The following SCUBE1 variants were observed in gnomAD, a reference collection of about 807,000 sequenced individuals.
The protein encoded by SCUBE1 is signal peptide, CUB domain and EGF like domain containing 1, also known as signal peptide, CUB and EGF-like domain-containing protein 1.
Under a neutral mutation model 124.4 loss-of-function variants are expected in SCUBE1, and 59 were observed. The observed-to-expected ratio is 0.47, with a 90% CI of 0.38 to 0.59. The LOEUF is 0.59. SCUBE1 is among the 20% of genes least tolerant of loss of function. The pLI is 0.00. For synonymous variants in SCUBE1, 545 were observed against 550.9 expected, an observed-to-expected ratio of 0.99 and a Z score of 0.15; for missense variants, 1,150 against 1,371.2, an observed-to-expected ratio of 0.84 and a Z score of 2.55.
intron 2 of SCUBE1, among the ~76,000 whole-genome samples, chr22:43,332,318 C>G (rs1926928902): frequency 6.6e-6 from 1 of 152,046 alleles, no homozygotes. Flanking sequence ...TAATAGCTCC[C>G]AACACAGCGA....
chr22:43,246,539 G>A (rs1041284701), intron 6 of SCUBE1, among the ~76,000 whole-genome samples: 27 of 152,226 alleles, frequency 1.8e-4, no homozygotes, highest in Non-Finnish European at 1.8e-4. Flanking sequence ...GCTATCACCT[G>A]CCTGCCCCTG....
chr22:43,197,641 G>A lies in SCUBE1; in HGVS notation c.*6356C>T, dbSNP rs547805195. ...TCCTGCTTTCTGCCACCCATCTGCC[G>A]AGGGCACTGGGCACTCTCTTACTTG... On this transcript the variant is annotated 3_prime_UTR_variant, in exon 22 of 22. Transcript: ENST00000360835. 1.3e-5 allele frequency: 2 copies of A among 152,584 alleles called. No homozygotes were observed. Among genetic ancestry groups the A allele is most frequent in the African/African-American group, 2.4e-5 (1 of 41,576 alleles). The allele number at this position is 152,584 out of a possible 1,614,324, so 9.5% of individuals were successfully genotyped here.
chr22:43,221,315 G>A, intron 12 of SCUBE1, 26 bp from the exon 13 acceptor site: 1 of 1,535,526 alleles, frequency 6.5e-7, no homozygotes, highest in African/African-American at 1.4e-5. Flanking sequence ...ATTCCCCCAG[G>A]TGGTGGCCTC....
rs577680670 is a variant in SCUBE1 at position 43,200,747 on chromosome 22, C to T, written c.*3250G>A. ...GGCGACCTCGCGCTCCTCATGGCCT[C>T]TCCCGTGGGCTGGGAGCTATAGAAG... is the stretch of plus-strand genomic sequence containing the variant. On this transcript the variant is annotated 3_prime_UTR_variant, in exon 22 of 22. Coordinates refer to ENST00000360835, the MANE Select transcript of SCUBE1 (RefSeq NM_173050.5). 2.0e-5 allele frequency: 3 copies of T among 152,380 alleles called. No individual in the cohort carries two copies. Among genetic ancestry groups the T allele is most frequent in the African/African-American group, 7.2e-5 (3 of 41,584 alleles). The allele number at this position is 152,380 out of a possible 1,614,324, so 9.4% of individuals were successfully genotyped here. A position where few individuals can be genotyped will look rare whatever the true frequency, so the allele number is the denominator to read the frequency against.
chr22:43,310,590 C>G (rs576137226), intron 3 of SCUBE1, among the ~76,000 whole-genome samples: 2 of 152,334 alleles, frequency 1.3e-5, no homozygotes, highest in East Asian at 3.9e-4. Context: ...GCCCCAGACA[C>G]CGTGGAGCAG....
At position 43,255,206 on chromosome 22, in the gene SCUBE1, C is replaced by T. The variant is rs953084792; in HGVS notation, c.727+3013G>A. On this transcript the variant is annotated intron_variant, in intron 6 of 21. Coordinates refer to ENST00000360835, the MANE Select transcript of SCUBE1 (RefSeq NM_173050.5). The surrounding 1 kb of genome is among the most constrained non-coding windows in gnomAD (Gnocchi z 4.7). ...CTAGCCCTGGGTTCTTTGCTACAAA[C>T]ACACAAACAACGAACAAATGTGTTT... is the stretch of plus-strand genomic sequence containing the variant. Among the ~76,000 whole-genome samples, 2 of 152,222 alleles carry T rather than the reference C, an allele frequency of 1.3e-5. No individual in the cohort carries two copies. The highest frequency in any genetic ancestry group is 4.8e-5 in the African/African-American group (2 of 41,456).
At chr22:43,334,047 G>A (rs1926984244) in intron 2 of SCUBE1, among the ~76,000 whole-genome samples, 1 of 152,210 alleles carries the variant, frequency 6.6e-6, no homozygotes, top group Admixed American at 6.5e-5. Flanking sequence ...GAGATCTGCA[G>A]GACAGGGGGC....
chr22:43,336,363 C>T (rs532396627), intron 2 of SCUBE1, among the ~76,000 whole-genome samples: 9 of 152,292 alleles, frequency 5.9e-5, no homozygotes, highest in Admixed American at 3.3e-4. Flanking sequence ...CCCCACACTC[C>T]GCACTCCCCT....
intron 1 of SCUBE1, among the ~76,000 whole-genome samples, chr22:43,342,440 G>A (rs932856317): frequency 6.6e-6 from 1 of 151,922 alleles, no homozygotes; most frequent in Admixed American, 6.5e-5. Context: ...AGACGGTCCC[G>A]GTCCCTCGTC....
Position 43,255,634 on chromosome 22 carries a change from C to T in SCUBE1, c.727+2585G>A, listed in dbSNP as rs774363641. The T allele has an allele frequency of 3.8e-5, 55 of 1,441,632 alleles. No homozygotes were observed. Among genetic ancestry groups the T allele is most frequent in the Non-Finnish European group, 4.9e-5 (51 of 1,049,588 alleles). 89.3% of individuals were successfully genotyped at this position (1,441,632 alleles called of 1,614,324 possible). Reference sequence around the variant, plus strand: ...CAGTGGTTAATGACAGCCCACTTCCCGCGGCCCAAGACAGTCAGCCTCTCG... The same window carrying T: ...CAGTGGTTAATGACAGCCCACTTCCTGCGGCCCAAGACAGTCAGCCTCTCG... On this transcript the variant is annotated intron_variant, in intron 6 of 21. Coordinates refer to ENST00000360835, the MANE Select transcript of SCUBE1 (RefSeq NM_173050.5). The surrounding 1 kb of genome is among the most constrained non-coding windows in gnomAD (Gnocchi z 4.7).
chr22:43,214,047 G>GGGGGGGGGGGGCC, intron 16 of SCUBE1, 43 bp downstream of exon 16: 1 of 143,440 alleles, frequency 7.0e-6, no homozygotes. Context: ...AGGAGCCCCC[G>GGGGGGGGGGGGCC]CCCACCCCCC....
chr22:43,311,897 G>A (rs1195960673), intron 3 of SCUBE1, among the ~76,000 whole-genome samples: 2 of 152,082 alleles, frequency 1.3e-5, no homozygotes, highest in Non-Finnish European at 2.9e-5. Flanking sequence ...CCCTCAAATG[G>A]TTCTAAGCCT....
intron 3 of SCUBE1, among the ~76,000 whole-genome samples, chr22:43,303,341 T>A (rs1427181326): frequency 6.6e-6 from 1 of 152,250 alleles, no homozygotes. Flanking sequence ...TCCCAGCCGC[T>A]TGGCCTCCTG....
chr22:43,198,187 A>C lies in SCUBE1; in HGVS notation c.*5810T>G. ...TAGAGGGTTGAGCCCAGAGCCTGGC[A>C]CCCAGTGGGCACTGAGTGAGCGTCA... On this transcript the variant is annotated 3_prime_UTR_variant, in exon 22 of 22. Coordinates refer to ENST00000360835, the MANE Select transcript of SCUBE1 (RefSeq NM_173050.5). 1 of 262,622 alleles carries C rather than the reference A, an allele frequency of 3.8e-6. No homozygotes were observed. Among genetic ancestry groups the C allele is most frequent in the Non-Finnish European group, 7.6e-6 (1 of 131,878 alleles). 16.3% of individuals were successfully genotyped at this position (262,622 alleles called of 1,614,324 possible).
chr22:43,304,651 T>C (rs995238210), intron 3 of SCUBE1, among the ~76,000 whole-genome samples: 3 of 152,138 alleles, frequency 2.0e-5, no homozygotes, highest in African/African-American at 7.2e-5. Flanking sequence ...GCACATGGTA[T>C]ATATGGCTCA....
At chr22:43,208,357 C>G in intron 19 of SCUBE1, 133 bp from the exon 20 acceptor site, 1 of 798,756 alleles carries the variant, frequency 1.3e-6, no homozygotes, top group East Asian at 2.7e-5. Flanking sequence ...ACGGCTTAGT[C>G]TTTGTGCTTG....
At chr22:43,224,391 T>C (rs1322550955) in intron 10 of SCUBE1, among the ~76,000 whole-genome samples, 1 of 152,258 alleles carries the variant, frequency 6.6e-6, no homozygotes, top group Non-Finnish European at 1.5e-5. Flanking sequence ...GTTCTGCTGC[T>C]GGGCACTTTG....
chr22:43,263,720 C>A (rs1923958743), intron 4 of SCUBE1, among the ~76,000 whole-genome samples: 1 of 152,210 alleles, frequency 6.6e-6, no homozygotes, highest in African/African-American at 2.4e-5. Context: ...AGTTAAAAAT[C>A]AAACAAACAA....
rs1192387163 is a variant in SCUBE1, at chr22:43,234,386, C to T, written c.845-2511G>A. On this transcript the variant is annotated intron_variant, in intron 7 of 21. Coordinates refer to ENST00000360835, the MANE Select transcript of SCUBE1 (RefSeq NM_173050.5). The surrounding 1 kb of genome is among the most constrained non-coding windows in gnomAD (Gnocchi z 4.4). ...AAATGAGCTGAGGCTGCTAAGCAGA[C>T]AGGGGCAGCACGTGATCATTCTCAC... Among the ~76,000 whole-genome samples the T allele has an allele frequency of 6.6e-6, 1 of 152,192 alleles. No homozygotes were observed. The highest frequency in any genetic ancestry group is 2.4e-5 in the African/African-American group (1 of 41,442).
Sources: gnomAD v4.1 joint callset for allele counts (sites outside exome capture counted in the v4.1 genomes callset) on GRCh38, gnomAD v4.1.1 for gene constraint, Gnocchi (gnomAD v3.1) non-coding constraint, MANE v1.5 for transcripts, NCBI Gene and HGNC (gene_info 2026-07-23, HGNC 2026-07-21) for gene names.